The following WDFY3 variants were observed in gnomAD, a reference collection of about 807,000 sequenced individuals.
WDFY3 encodes WD repeat and FYVE domain-containing protein 3.
Under a neutral mutation model 409.6 loss-of-function variants are expected in WDFY3, and 66 were observed. The observed-to-expected ratio is 0.16, with a 90% CI of 0.13 to 0.20. The LOEUF (loss-of-function observed/expected upper bound fraction) is 0.20, where lower values mean the gene tolerates loss of function less well. Among genes scored for constraint, WDFY3 ranks in the 10% least tolerant of loss-of-function variants. WDFY3 has a pLI of 1.00. For missense variants in WDFY3, 3,031 were observed against 4,298.1 expected (o/e 0.71, Z 8.24); for synonymous variants, 1,521 against 1,537.1 (o/e 0.99, Z 0.25).
At chr4:84,778,803 G>A in intron 26 of WDFY3, 148 bp from the exon 27 acceptor site, 2 of 677,356 alleles carry the variant, frequency 3.0e-6, no homozygotes, top group Non-Finnish European at 4.3e-6. Context: ...GATTTTCTGA[G>A]ATTATTAAGT....
At chr4:84,947,685 A>C (rs571087546) in intron 1 of WDFY3, among the ~76,000 whole-genome samples, 2 of 147,690 alleles carry the variant, frequency 1.4e-5, no homozygotes, top group African/African-American at 5.0e-5. Context: ...AGCCTGAGCA[A>C]CATATCAAAA....
At chr4:84,770,339 A>G (rs1473048720) in intron 30 of WDFY3, among the ~76,000 whole-genome samples, 1 of 152,056 alleles carries the variant, frequency 6.6e-6, no homozygotes, top group African/African-American at 2.4e-5. Context: ...AGTTATATAC[A>G]TTTTTTAAAA....
chr4:84,949,268 A>T (rs1235238537), intron 1 of WDFY3, among the ~76,000 whole-genome samples: 1 of 152,196 alleles, frequency 6.6e-6, no homozygotes, highest in African/African-American at 2.4e-5. Context: ...TATACAAAAG[A>T]AAAAAGTTAT....
intron 39 of WDFY3, 43 bp from the exon 40 acceptor site, chr4:84,739,162 T>G: frequency 1.4e-5 from 21 of 1,550,500 alleles, no homozygotes; most frequent in Admixed American, 1.7e-5. Context: ...AGGAAATGAT[T>G]AGCTGAAGAC....
chr4:84,837,442 T>A (rs998276721), intron 6 of WDFY3, among the ~76,000 whole-genome samples: 6 of 152,204 alleles, frequency 3.9e-5, no homozygotes, highest in Admixed American at 6.5e-5. Context: ...CTTGCCTTTC[T>A]TATAAAAATA....
At chr4:84,762,795 T>C (rs1363740581) in intron 32 of WDFY3, among the ~76,000 whole-genome samples, 1 of 152,104 alleles carries the variant, frequency 6.6e-6, no homozygotes, top group Non-Finnish European at 1.5e-5. Flanking sequence ...TTTTTCTTTA[T>C]AGAAATTCTA....
intron 10 of WDFY3, among the ~76,000 whole-genome samples, chr4:84,824,946 A>G (rs1754632891): frequency 6.6e-6 from 1 of 152,180 alleles, no homozygotes; most frequent in Admixed American, 6.5e-5. Context: ...ATTTTTCTGA[A>G]GAAGAAACTG....
chr4:84,700,100 A>C (rs948554892), intron 56 of WDFY3, among the ~76,000 whole-genome samples: 2 of 152,126 alleles, frequency 1.3e-5, no homozygotes, highest in Non-Finnish European at 2.9e-5. Flanking sequence ...TGTAATTTTG[A>C]TATCATATTT....
intron 42 of WDFY3, among the ~76,000 whole-genome samples, chr4:84,735,347 G>A (rs561371270): frequency 6.6e-6 from 1 of 152,264 alleles, no homozygotes; most frequent in Non-Finnish European, 1.5e-5. Context: ...TGCTGCCCAC[G>A]TGTCTGGGCT....
At position 84,751,575 on chromosome 4, in the gene WDFY3, A is replaced by C; in HGVS notation, c.5881T>G (p.Phe1961Val). ...AAGACCCGCATGAAGTCAAAAACGAACTTTTTAGCCGGGTGATTGGTCAGA... is the reference window on the plus strand; with the variant it reads ...AAGACCCGCATGAAGTCAAAAACGACCTTTTTAGCCGGGTGATTGGTCAGA... ...TYLTNHPAKK[F>V]VFDFMRVLII... The change falls in exon 36 of 68, where the codon TTC becomes GTC. Residue 1961 changes from phenylalanine (F) to valine (V), a missense_variant. Transcript: ENST00000295888. 1 of 1,614,106 alleles carries C rather than the reference A, an allele frequency of 6.2e-7. No homozygotes were observed. Among genetic ancestry groups the C allele is most frequent in the Non-Finnish European group, 8.5e-7 (1 of 1,180,014 alleles).
At chr4:84,948,531 A>C (rs1202890462) in intron 1 of WDFY3, among the ~76,000 whole-genome samples, 2 of 152,176 alleles carry the variant, frequency 1.3e-5, no homozygotes, top group Non-Finnish European at 2.9e-5. Context: ...CTAGATCACC[A>C]ATACGGACTT....
At chr4:84,957,324 C>T (rs1439798953) in intron 1 of WDFY3, among the ~76,000 whole-genome samples, 16 of 149,238 alleles carry the variant, frequency 1.1e-4, no homozygotes, top group African/African-American at 2.2e-4. Context: ...TGGACTATAA[C>T]GCTATGGAAG....
chr4:84,886,530 A>C (rs1301410487), intron 3 of WDFY3: 1 of 152,130 alleles, frequency 6.6e-6, no homozygotes, highest in Non-Finnish European at 1.5e-5. Flanking sequence ...TTAGCTATTT[A>C]TCATCAACAC....
At position 84,943,324 on chromosome 4, in the gene WDFY3, A is replaced by G. The variant is rs1772382111; in HGVS notation, c.-225-10961T>C. 2.0e-5 allele frequency among the ~76,000 whole-genome samples: 3 copies of G among 152,084 alleles called. No homozygotes were observed. In the South Asian group the frequency reaches 6.2e-4, roughly 32 times the overall value. On this transcript the variant is annotated intron_variant, in intron 1 of 67. Coordinates refer to ENST00000295888, the MANE Select transcript of WDFY3 (RefSeq NM_014991.6). ...AGACCATCCTGGCTAACACCCAGTG[A>G]AACCCCATCTCTACTAAGAATACAA...
chr4:84,690,561 C>T lies in WDFY3; in HGVS notation c.9308G>A (p.Cys3103Tyr). The change falls in exon 61 of 68, where the codon TGT becomes TAT. Residue 3103 changes from cysteine (C) to tyrosine (Y), a missense_variant. By Grantham distance (194) the Cys-to-Tyr change is radical. Transcript: ENST00000295888. ...TTTGGAGGTGCCCATCTCCCACACA[C>T]ACACAACCGTGCTTGTTCCACCCGT... ...VITGGTSTVV[C>Y]VWEMGTSKEK... 1 of 1,614,202 alleles carries T rather than the reference C, an allele frequency of 6.2e-7. No homozygotes were observed. Among genetic ancestry groups the T allele is most frequent in the Non-Finnish European group, 8.5e-7 (1 of 1,180,038 alleles).
intron 24 of WDFY3, among the ~76,000 whole-genome samples, chr4:84,784,858 GTATA>G (rs71670882): frequency 0.029 from 2,562 of 88,932 alleles, 53 homozygotes; most frequent in South Asian, 0.041. Flanking sequence ...AAGTGTATAT[GTATA>G]TATATATATA....
intron 2 of WDFY3, among the ~76,000 whole-genome samples, chr4:84,916,399 A>T (rs1768494632): frequency 6.6e-6 from 1 of 152,230 alleles, no homozygotes; most frequent in African/African-American, 2.4e-5. Context: ...CCAAATGTGG[A>T]CTTTACTTAT....
In WDFY3 at chr4:84,810,085, G is replaced by A; in HGVS notation, c.2147C>T (p.Ala716Val). ...FKTEIQYEKL[A>V]DAVRFLGCFS... ...GCAGCCAAGAAATCGAACAGCATCT[G>A]CCAACTTCTCATACTGAATCTCTGT... The change falls in exon 14 of 68, where the codon GCA (alanine) becomes GTA (valine). Residue 716 changes from alanine to valine, a missense_variant. Ala to Val is a moderately conservative substitution (Grantham distance 64). Transcript: ENST00000295888. 3 of 1,614,140 alleles carry A rather than the reference G, an allele frequency of 1.9e-6. No homozygotes were observed. The highest frequency in any genetic ancestry group is 2.5e-6 in the Non-Finnish European group (3 of 1,180,006).
chr4:84,707,095 T>C (rs980211994), intron 53 of WDFY3, among the ~76,000 whole-genome samples: 3 of 151,932 alleles, frequency 2.0e-5, no homozygotes, highest in Non-Finnish European at 2.9e-5. Flanking sequence ...CATGCCACCA[T>C]GCCTGGCTAA....
Sources: gnomAD v4.1 joint callset for allele counts (sites outside exome capture counted in the v4.1 genomes callset) on GRCh38, gnomAD v4.1.1 for gene constraint, MANE v1.5 for transcripts, NCBI Gene and HGNC (gene_info 2026-07-23, HGNC 2026-07-21) for gene names.